DPP10: variants seen among roughly 807,000 people sequenced by gnomAD.
DPP10 encodes inactive dipeptidyl peptidase 10.
In DPP10, 33 loss-of-function variants were observed where a neutral mutation model predicts 120.9. That is an observed-to-expected ratio of 0.27 (90% CI 0.21 to 0.37). The LOEUF (loss-of-function observed/expected upper bound fraction) is 0.37, where lower values mean the gene tolerates loss of function less well. Ranked by LOEUF, DPP10 falls within the 10% of genes least tolerant of loss-of-function variation. DPP10 has a pLI of 1.00. For missense variants in DPP10, 816 were observed against 942.8 expected, an observed-to-expected ratio of 0.87 and a Z score of 1.76; for synonymous variants, 337 against 326.1, an observed-to-expected ratio of 1.03 and a Z score of -0.36.
intron 7 of DPP10, among the ~76,000 whole-genome samples, chr2:115,690,972 G>A (rs566170153): frequency 2.0e-5 from 3 of 152,256 alleles, no homozygotes; most frequent in African/African-American, 7.2e-5. Context: ...ATACAAAATA[G>A]TATTTCGTTA....
At chr2:114,653,977 G>C (rs1696795685) in intron 1 of DPP10, among the ~76,000 whole-genome samples, 1 of 151,978 alleles carries the variant, frequency 6.6e-6, no homozygotes, top group African/African-American at 2.4e-5. Flanking sequence ...TAGGCCTCCA[G>C]GGTTATTTCC....
At chr2:115,701,475 A>C (rs986337412) in intron 7 of DPP10, among the ~76,000 whole-genome samples, 1 of 152,128 alleles carries the variant, frequency 6.6e-6, no homozygotes, top group Non-Finnish European at 1.5e-5. Flanking sequence ...CTAAAACTAT[A>C]AAACTTTTAG....
intron 1 of DPP10, among the ~76,000 whole-genome samples, chr2:114,826,552 G>A (rs1017409389): frequency 6.6e-6 from 1 of 151,990 alleles, no homozygotes; most frequent in African/African-American, 2.4e-5. Flanking sequence ...TTTTTTTTGA[G>A]ATGGAGTCTC....
intron 1 of DPP10, among the ~76,000 whole-genome samples, chr2:114,982,464 A>G (rs1333274806): frequency 6.6e-6 from 1 of 152,222 alleles, no homozygotes; most frequent in Non-Finnish European, 1.5e-5. Flanking sequence ...TTATGATTGT[A>G]GTGACGGAGG....
intron 1 of DPP10, among the ~76,000 whole-genome samples, chr2:115,097,809 A>T (rs1340848708): frequency 2.0e-5 from 3 of 152,130 alleles, no homozygotes; most frequent in Non-Finnish European, 4.4e-5. Flanking sequence ...GTTATGTCTG[A>T]ATCTTGTCAC....
At chr2:115,428,028 G>A (rs2070636935) in intron 3 of DPP10, among the ~76,000 whole-genome samples, 2 of 152,058 alleles carry the variant, frequency 1.3e-5, no homozygotes, top group African/African-American at 4.8e-5. Context: ...AGATCCTTAG[G>A]GCATGAACAG....
intron 1 of DPP10, among the ~76,000 whole-genome samples, chr2:114,716,235 C>A (rs1176315298): frequency 2.0e-5 from 3 of 152,004 alleles, no homozygotes; most frequent in African/African-American, 7.3e-5. Flanking sequence ...TTACAGCTAG[C>A]CTGCTTAAAA....
At chr2:114,525,931 T>G (rs1685463555) in intron 1 of DPP10, among the ~76,000 whole-genome samples, 1 of 152,236 alleles carries the variant, frequency 6.6e-6, no homozygotes, top group Non-Finnish European at 1.5e-5. Flanking sequence ...ACAGTAGCTC[T>G]TCTTTCAAAT....
chr2:114,848,374 T>C (rs762062820), intron 1 of DPP10, among the ~76,000 whole-genome samples: 2 of 152,092 alleles, frequency 1.3e-5, no homozygotes, highest in Non-Finnish European at 2.9e-5. Context: ...TTAAAACTAC[T>C]CTACAGGGAC....
intron 1 of DPP10, among the ~76,000 whole-genome samples, chr2:114,791,009 A>T (rs1410401790): frequency 6.6e-6 from 1 of 152,198 alleles, no homozygotes; most frequent in African/African-American, 2.4e-5. Flanking sequence ...AAAGAAGGGG[A>T]GAAAGTATAT....
Position 114,632,833 on chromosome 2 carries a change from A to G in DPP10, c.60+189995A>G, listed in dbSNP as rs951051610. On this transcript the variant is annotated intron_variant, in intron 1 of 25. Coordinates refer to ENST00000410059, the MANE Select transcript of DPP10 (RefSeq NM_020868.6). ...GGCCAGGGGGTTTTAATTTATATCA[A>G]TGGGTTTCAATTAATTACCATTGTG... Among the ~76,000 whole-genome samples, 4 of 152,038 alleles carry G rather than the reference A, an allele frequency of 2.6e-5. No individual in the cohort carries two copies. The East Asian group carries it at 5.8e-4, about 22-fold the overall frequency.
At chr2:115,169,233 C>G (rs1433798289) in intron 1 of DPP10, among the ~76,000 whole-genome samples, 1 of 152,080 alleles carries the variant, frequency 6.6e-6, no homozygotes, top group Non-Finnish European at 1.5e-5. Flanking sequence ...GAGAATGTTG[C>G]AATAATTAGA....
intron 1 of DPP10, among the ~76,000 whole-genome samples, chr2:115,199,321 TTGTA>T (rs55869482): frequency 0.37 from 55,941 of 151,426 alleles, 12,437 homozygotes; most frequent in Non-Finnish European, 0.5. Context: ...TGTTGTGTAT[TTGTA>T]TGGGGATTTT....
At chr2:114,894,026 C>T (rs1436642281) in intron 1 of DPP10, among the ~76,000 whole-genome samples, 1 of 152,106 alleles carries the variant, frequency 6.6e-6, no homozygotes, top group Admixed American at 6.6e-5. Context: ...TATCTATGCA[C>T]CTCTCCACTT....
intron 1 of DPP10, among the ~76,000 whole-genome samples, chr2:114,584,399 T>TTTA (rs1690775465): frequency 6.6e-6 from 1 of 152,128 alleles, no homozygotes; most frequent in South Asian, 2.1e-4. Flanking sequence ...TGTTTATTTA[T>TTTA]TTATTATTAT....
rs192518388 is a variant in DPP10 at position 114,552,896 on chromosome 2, G to A, written c.60+110058G>A. On this transcript the variant is annotated intron_variant, in intron 1 of 25. Transcript: ENST00000410059. ...TTTTTATCTTTAATATTTTAGAGTC[G>A]GAGACTAATGACTCCCACATCAGCA... Among the ~76,000 whole-genome samples, 162 of 152,062 alleles carry A rather than the reference G, an allele frequency of 1.1e-3. No individual in the cohort carries two copies. The Middle Eastern group carries it at 0.024, about 22-fold the overall frequency.
rs73949005 is a variant in DPP10 at position 114,687,952 on chromosome 2, A to G, written c.60+245114A>G. 8.6e-3 allele frequency among the ~76,000 whole-genome samples: 1,311 copies of G among 152,106 alleles called. 28 individuals carry two copies. Among genetic ancestry groups the G allele is most frequent in the African/African-American group, 0.03 (1,254 of 41,534 alleles). ...CCAGGTAGAACATTAGTTTTTCTGT[A>G]ATGAAAACATTTCTTCTAATTCTAT... On this transcript the variant is annotated intron_variant, in intron 1 of 25. Coordinates refer to ENST00000410059, the MANE Select transcript of DPP10 (RefSeq NM_020868.6).
At chr2:114,704,973 C>A (rs1700602030) in intron 1 of DPP10, among the ~76,000 whole-genome samples, 1 of 152,264 alleles carries the variant, frequency 6.6e-6, no homozygotes, top group African/African-American at 2.4e-5. Flanking sequence ...CATCTACAAG[C>A]CAATGAGGGA....
chr2:115,378,856 A>G (rs1168297999), intron 3 of DPP10, among the ~76,000 whole-genome samples: 1 of 152,094 alleles, frequency 6.6e-6, no homozygotes, highest in African/African-American at 2.4e-5. Context: ...GATTACTTTT[A>G]TTGATTTGCA....
Sources: gnomAD v4.1 joint callset for allele counts (sites outside exome capture counted in the v4.1 genomes callset) on GRCh38, gnomAD v4.1.1 for gene constraint, MANE v1.5 for transcripts, NCBI Gene and HGNC (gene_info 2026-07-23, HGNC 2026-07-21) for gene names.